ANK3: variants seen among roughly 807,000 people sequenced by gnomAD.
The protein encoded by ANK3 is ankyrin-3.
In ANK3, 57 loss-of-function variants were observed where a neutral mutation model predicts 370.9. The ratio of observed to expected loss-of-function variants is 0.15; its 90% CI spans 0.12 to 0.19. The LOEUF (loss-of-function observed/expected upper bound fraction) is 0.19. Among genes scored for constraint, ANK3 ranks in the 10% least tolerant of loss-of-function variants. The pLI is 1.00. For synonymous variants in ANK3, 1,929 were observed against 1,946.3 expected (o/e 0.99, Z 0.23); for missense variants, 4,439 against 5,302.1 (o/e 0.84, Z 5.06).
At chr10:60,251,389 G>C (rs2097662649) in intron 7 of ANK3, among the ~76,000 whole-genome samples, 2 of 152,126 alleles carry the variant, frequency 1.3e-5, no homozygotes, top group Admixed American at 6.5e-5. Context: ...TTTCTTGGCT[G>C]TAAAGAGATG....
chr10:60,483,629 C>A (rs2075278776), intron 2 of ANK3, among the ~76,000 whole-genome samples: 1 of 152,056 alleles, frequency 6.6e-6, no homozygotes, highest in South Asian at 2.1e-4. Context: ...TGTGTAATAG[C>A]AATTTTAAAA....
intron 1 of ANK3, among the ~76,000 whole-genome samples, chr10:60,315,457 C>T (rs1018561524): frequency 6.6e-5 from 10 of 152,088 alleles, no homozygotes; most frequent in Non-Finnish European, 1.5e-4. Context: ...TAGAACCCAG[C>T]CAGAGCTCAC....
At chr10:60,647,618 A>C (rs904511880) in intron 1 of ANK3, among the ~76,000 whole-genome samples, 4 of 151,876 alleles carry the variant, frequency 2.6e-5, no homozygotes, top group African/African-American at 9.7e-5. Flanking sequence ...AAAAAAAAAA[A>C]CTTGCCTTGT....
At chr10:60,535,586 A>C (rs1319678061) in intron 2 of ANK3, among the ~76,000 whole-genome samples, 1 of 151,996 alleles carries the variant, frequency 6.6e-6, no homozygotes, top group Non-Finnish European at 1.5e-5. Flanking sequence ...AGGGGCTGTA[A>C]TTTCTTGGCT....
intron 2 of ANK3, among the ~76,000 whole-genome samples, chr10:60,522,673 C>A (rs1335217601): frequency 1.3e-5 from 2 of 152,000 alleles, no homozygotes; most frequent in African/African-American, 4.8e-5. Flanking sequence ...AATTCCTATC[C>A]TCTCCTAAAT....
chr10:60,519,594 A>G (rs1171864689), intron 2 of ANK3, among the ~76,000 whole-genome samples: 1 of 152,154 alleles, frequency 6.6e-6, no homozygotes, highest in Non-Finnish European at 1.5e-5. Context: ...GGAGAAGACA[A>G]GTGCTTGAAA....
intron 1 of ANK3, among the ~76,000 whole-genome samples, chr10:60,322,802 G>A (rs1414890402): frequency 2.0e-5 from 3 of 151,548 alleles, no homozygotes; most frequent in Admixed American, 6.6e-5. Flanking sequence ...CTATGGGGGG[G>A]AAAAAAAATC....
intron 1 of ANK3, among the ~76,000 whole-genome samples, chr10:60,623,412 A>G (rs549276278): frequency 6.6e-6 from 1 of 152,284 alleles, no homozygotes; most frequent in African/African-American, 2.4e-5. Context: ...GATGGGTTGG[A>G]GTTTGAATGG....
At chr10:60,572,634 G>A in intron 2 of ANK3, 8 of 1,477,478 alleles carry the variant, frequency 5.4e-6, no homozygotes, top group Non-Finnish European at 7.1e-6. Context: ...TCCATTTACG[G>A]GTGCTCCCCA....
rs756589994 is a variant in ANK3, at chr10:60,074,348, G to A, written c.6533C>T (p.Pro2178Leu). The change falls in exon 37 of 44, where the codon CCC becomes CTC. Residue 2178 changes from proline (P) to leucine (L), a missense_variant. By Grantham distance (98) the Pro-to-Leu change is moderately conservative. This residue lies in a region of ANK3 where 1,601 missense variants were observed against 1,731.7 expected (regional missense o/e 0.92). Coordinates refer to ENST00000280772, the MANE Select transcript of ANK3 (RefSeq NM_020987.5). ...EVVHVIRSYD[P>L]SAGDVPQTQP... ...GGTCTGGGGAACATCCCCAGCTGAGGGATCATAGCTCCTGATAACATGAAC... is the reference window on the plus strand; with the variant it reads ...GGTCTGGGGAACATCCCCAGCTGAGAGATCATAGCTCCTGATAACATGAAC... The A allele has an allele frequency of 3.7e-6, 6 of 1,613,918 alleles. No individual in the cohort carries two copies. Among genetic ancestry groups the A allele is most frequent in the Non-Finnish European group, 5.1e-6 (6 of 1,179,952 alleles).
chr10:60,495,132 C>G (rs774607647), intron 2 of ANK3, among the ~76,000 whole-genome samples: 2 of 152,166 alleles, frequency 1.3e-5, no homozygotes, highest in Non-Finnish European at 2.9e-5. Flanking sequence ...TTCAGGTCAA[C>G]AGCAAAGTAC....
At chr10:60,118,594 C>T (rs1431565330) in intron 25 of ANK3, among the ~76,000 whole-genome samples, 1 of 152,130 alleles carries the variant, frequency 6.6e-6, no homozygotes, top group African/African-American at 2.4e-5. Context: ...CTTTTGGAGA[C>T]CCAAACCAAC....
rs568542965 is a variant in ANK3, at chr10:60,156,823, CT to C, written c.2614+9767del. Among the ~76,000 whole-genome samples, 76 of 152,216 alleles carry C rather than the reference CT, an allele frequency of 5.0e-4. No homozygotes were observed. The South Asian group carries it at 7.7e-3, about 15-fold the overall frequency. On this transcript the variant is annotated intron_variant, in intron 23 of 43. Transcript: ENST00000280772. ...TGGAAAGTCCTCTCAAAAAGGATGG[CT>C]AAAAACAAGCCTATACTGTGAAGAC...
chr10:60,378,219 G>GT (rs1424076100), intron 1 of ANK3, among the ~76,000 whole-genome samples: 1 of 152,064 alleles, frequency 6.6e-6, no homozygotes, highest in Non-Finnish European at 1.5e-5. Context: ...AGCTGAAGTA[G>GT]TTTTTTTGAT....
chr10:60,314,778 T>C (rs1326958074), intron 1 of ANK3, among the ~76,000 whole-genome samples: 1 of 152,084 alleles, frequency 6.6e-6, no homozygotes, highest in Non-Finnish European at 1.5e-5. Context: ...TTCTAATAGT[T>C]CAAGAAAGGC....
Position 60,073,757 on chromosome 10 carries a change from A to C in ANK3, c.7124T>G (p.Phe2375Cys). The C allele has an allele frequency of 6.2e-7, 1 of 1,613,840 alleles. No homozygotes were observed. The highest frequency in any genetic ancestry group is 8.5e-7 in the Non-Finnish European group (1 of 1,179,996). ...LSRGDINLKDFLPEKHDAFPC... is the reference protein window; with the variant it reads ...LSRGDINLKDCLPEKHDAFPC... ...AAAAGCATCGTGTTTTTCTGGCAGA[A>C]AATCTTTTAGGTTAATATCTCCCCG... is the stretch of plus-strand genomic sequence containing the variant. The change falls in exon 37 of 44, where the codon TTT becomes TGT. Residue 2375 changes from phenylalanine (F) to cysteine (C), a missense_variant. Around this residue, in one of 13 missense-constraint regions of ANK3, gnomAD observed 1,601 missense variants for 1,731.7 expected, o/e 0.92. Transcript: ENST00000280772.
At chr10:60,447,811 C>A (rs913790158) in intron 2 of ANK3, among the ~76,000 whole-genome samples, 1 of 152,128 alleles carries the variant, frequency 6.6e-6, no homozygotes, top group Non-Finnish European at 1.5e-5. Context: ...GGCCTAGATA[C>A]GCAACCCTCC....
At chr10:60,317,378 C>T (rs2047668988) in intron 1 of ANK3, among the ~76,000 whole-genome samples, 1 of 152,050 alleles carries the variant, frequency 6.6e-6, no homozygotes, top group Admixed American at 6.6e-5. Flanking sequence ...CTGGCTTTGG[C>T]TTCCTAAAGT....
intron 7 of ANK3, among the ~76,000 whole-genome samples, chr10:60,245,268 T>TA (rs1374019610): frequency 5.3e-5 from 8 of 152,262 alleles, no homozygotes; most frequent in African/African-American, 1.9e-4. Context: ...CTTAAGAGTA[T>TA]AAAAACATAT....
Sources: allele counts gnomAD v4.1 joint callset (sites outside exome capture counted in the v4.1 genomes callset), GRCh38; gene constraint gnomAD v4.1.1; regional missense constraint gnomAD v4.1.1; transcripts MANE v1.5; gene names NCBI Gene and HGNC (gene_info 2026-07-23, HGNC 2026-07-21).